Variants in FAT3 observed in about 807,000 individuals in gnomAD.
FAT3 encodes FAT atypical cadherin 3.
Under a neutral mutation model 310.2 loss-of-function variants are expected in FAT3, and 95 were observed. The observed-to-expected ratio is 0.31, with a 90% CI of 0.26 to 0.36. FAT3 has a LOEUF of 0.36. Ranked by LOEUF, FAT3 falls within the 10% of genes least tolerant of loss-of-function variation. FAT3 has a pLI of 1.00. For synonymous variants in FAT3, 2,314 were observed against 2,192.9 expected, an observed-to-expected ratio of 1.06 and a Z score of -1.54; for missense variants, 5,408 against 5,715.6, an observed-to-expected ratio of 0.95 and a Z score of 1.74.
At chr11:92,826,996 A>T (rs1948119832) in intron 13 of FAT3, among the ~76,000 whole-genome samples, 1 of 152,208 alleles carries the variant, frequency 6.6e-6, no homozygotes, top group Non-Finnish European at 1.5e-5. Context: ...AGCTCAGTGT[A>T]TATGCTGTGT....
At chr11:92,442,098 TATATATA>T (rs1273313142) in intron 2 of FAT3, among the ~76,000 whole-genome samples, 10 of 51,784 alleles carry the variant, frequency 1.9e-4, no homozygotes, top group African/African-American at 5.6e-4. Context: ...TATATATATA[TATATATA>T]TATATATTTT....
intron 2 of FAT3, among the ~76,000 whole-genome samples, chr11:92,482,270 C>T (rs947621020): frequency 2.3e-4 from 35 of 152,210 alleles, no homozygotes; most frequent in African/African-American, 7.9e-4. Flanking sequence ...TATGAGAACA[C>T]TTCTGTGAAT....
Position 92,246,051 on chromosome 11 carries a change from T to TGGCA in FAT3, c.-18+20879_-18+20882dup. Among the ~76,000 whole-genome samples the TGGCA allele has an allele frequency of 2.6e-5, 4 of 152,214 alleles. 1 individual carries two copies. In the East Asian group the frequency reaches 7.7e-4, roughly 29 times the overall value. On this transcript the variant is annotated intron_variant, in intron 1 of 27. Coordinates refer to ENST00000525166, the MANE Select transcript of FAT3 (RefSeq NM_001367949.2). Reference sequence around the variant, plus strand: ...GAACGCTGAAAGAGGCCATTGGACTTGGCAGTTAGGATGCCATGACTGACT... The same window carrying TGGCA: ...GAACGCTGAAAGAGGCCATTGGACTTGGCAGGCAGTTAGGATGCCATGACTGACT...
intron 3 of FAT3, among the ~76,000 whole-genome samples, chr11:92,665,709 T>G (rs1418277807): frequency 1.3e-5 from 2 of 152,240 alleles, no homozygotes; most frequent in Non-Finnish European, 2.9e-5. Context: ...GCCCATGTTC[T>G]CCTGTCTAAA....
At chr11:92,766,092 T>C (rs1302892804) in intron 6 of FAT3, among the ~76,000 whole-genome samples, 1 of 152,032 alleles carries the variant, frequency 6.6e-6, no homozygotes, top group Non-Finnish European at 1.5e-5. Context: ...GCATGCAGGA[T>C]AGACCCTGGG....
intron 4 of FAT3, among the ~76,000 whole-genome samples, chr11:92,740,031 A>C (rs1945461070): frequency 6.6e-6 from 1 of 152,196 alleles, no homozygotes; most frequent in African/African-American, 2.4e-5. Flanking sequence ...CTAAATGAGC[A>C]GTGAGAATAT....
At chr11:92,524,393 A>G (rs1953782821) in intron 2 of FAT3, among the ~76,000 whole-genome samples, 1 of 152,166 alleles carries the variant, frequency 6.6e-6, no homozygotes, top group African/African-American at 2.4e-5. Flanking sequence ...TATCTCCAAA[A>G]TTCAAATAAA....
chr11:92,251,918 G>T (rs967459607), intron 1 of FAT3, among the ~76,000 whole-genome samples: 1 of 152,160 alleles, frequency 6.6e-6, no homozygotes, highest in Non-Finnish European at 1.5e-5. Flanking sequence ...AGCAAGCTGA[G>T]TGTATGTTGA....
At chr11:92,537,661 G>GGCAACTGACAGACAGACAT (rs1328439789) in intron 3 of FAT3, among the ~76,000 whole-genome samples, 1 of 152,128 alleles carries the variant, frequency 6.6e-6, no homozygotes, top group East Asian at 1.9e-4. Context: ...CAGACAGACA[G>GGCAACTGACAGACAGACAT]ACAACAGACA....
intron 14 of FAT3, among the ~76,000 whole-genome samples, chr11:92,833,452 T>C (rs998075385): frequency 5.9e-5 from 9 of 152,342 alleles, no homozygotes; most frequent in African/African-American, 2.2e-4. Flanking sequence ...ACCAGGCTCT[T>C]ACTAAGTACA....
At chr11:92,715,038 T>G (rs372745730) in intron 4 of FAT3, among the ~76,000 whole-genome samples, 23 of 151,882 alleles carry the variant, frequency 1.5e-4, no homozygotes, top group African/African-American at 5.3e-4. Context: ...TTGGGACTTA[T>G]GAGGACAACT....
At chr11:92,429,826 A>G (rs1490158445) in intron 2 of FAT3, among the ~76,000 whole-genome samples, 1 of 151,908 alleles carries the variant, frequency 6.6e-6, no homozygotes, top group Non-Finnish European at 1.5e-5. Flanking sequence ...CTTCATTTCA[A>G]TCTTGGTGAA....
In FAT3 at chr11:92,354,519, A is replaced by G. The variant is rs776778062; in HGVS notation, c.2407A>G (p.Ile803Val). 1.4e-5 allele frequency: 23 copies of G among 1,613,872 alleles called. No individual in the cohort carries two copies. In the South Asian group the frequency reaches 2.3e-4, roughly 16 times the overall value. ...HTDLYLLNIT[I>V]YDLGNPQKSS... ...AGACCTCTATCTCCTTAATATCACC[A>G]TCTATGACTTAGGTAATCCACAGAA... is the stretch of plus-strand genomic sequence containing the variant. Residue 803 changes from isoleucine to valine, a missense_variant, in exon 2 of 28, where the codon ATC becomes GTC. Around this residue, in one of 5 missense-constraint regions of FAT3, gnomAD observed 4,588 missense variants for 4,809.8 expected, o/e 0.95. Coordinates refer to ENST00000525166, the MANE Select transcript of FAT3 (RefSeq NM_001367949.2).
intron 1 of FAT3, among the ~76,000 whole-genome samples, chr11:92,280,708 T>C (rs1047526187): frequency 2.0e-5 from 3 of 152,148 alleles, no homozygotes; most frequent in Non-Finnish European, 4.4e-5. Context: ...TCATGCTTTA[T>C]TGTCTGCCCA....
chr11:92,361,318 A>G (rs746397990), intron 2 of FAT3, among the ~76,000 whole-genome samples: 1 of 152,174 alleles, frequency 6.6e-6, no homozygotes, highest in Non-Finnish European at 1.5e-5. Flanking sequence ...AGCACTGTGG[A>G]GCAGAAAAGA....
intron 2 of FAT3, among the ~76,000 whole-genome samples, chr11:92,500,887 G>A (rs997795583): frequency 6.6e-6 from 1 of 152,026 alleles, no homozygotes; most frequent in Non-Finnish European, 1.5e-5. Flanking sequence ...ACTCTCCTAA[G>A]TTAATAAATG....
chr11:92,730,877 G>A (rs1945156801), intron 4 of FAT3, among the ~76,000 whole-genome samples: 2 of 151,662 alleles, frequency 1.3e-5, no homozygotes, highest in African/African-American at 4.8e-5. Flanking sequence ...TCATCCCCCT[G>A]CCTTTATCAT....
At position 92,433,105 on chromosome 11, in the gene FAT3, G is replaced by T. The variant is rs576173254; in HGVS notation, c.3292+77701G>T. 9.9e-5 allele frequency among the ~76,000 whole-genome samples: 15 copies of T among 152,222 alleles called. No homozygotes were observed. In the South Asian group the frequency reaches 2.9e-3, roughly 30 times the overall value. ...TCCCTCCATCAAGCTCAAGTGTCCC[G>T]GGTGGACTTCAAACTGCTGTGCTGA... On this transcript the variant is annotated intron_variant, in intron 2 of 27. Coordinates refer to ENST00000525166, the MANE Select transcript of FAT3 (RefSeq NM_001367949.2).
chr11:92,770,922 A>G (rs1007851702), intron 6 of FAT3, among the ~76,000 whole-genome samples: 3 of 152,164 alleles, frequency 2.0e-5, no homozygotes, highest in Non-Finnish European at 2.9e-5. Flanking sequence ...TAACTTTAGA[A>G]TCCAATAGAA....
Sources: allele counts gnomAD v4.1 joint callset (sites outside exome capture counted in the v4.1 genomes callset), GRCh38; gene constraint gnomAD v4.1.1; regional missense constraint gnomAD v4.1.1; transcripts MANE v1.5; gene names NCBI Gene and HGNC (gene_info 2026-07-23, HGNC 2026-07-21).